The following ADAMTS14 variants were observed in gnomAD, a reference collection of about 807,000 sequenced individuals.
ADAMTS14 encodes A disintegrin and metalloproteinase with thrombospondin motifs 14.
ADAMTS14 carries 100 observed loss-of-function variants against 128.6 expected under a neutral mutation model. The observed-to-expected ratio is 0.78, with a 90% confidence interval of 0.66 to 0.92. The LOEUF (loss-of-function observed/expected upper bound fraction) is 0.92, where lower values mean the gene tolerates loss of function less well. ADAMTS14 is among the 40% of genes least tolerant of loss of function. The probability of loss-of-function intolerance (pLI) is 0.00; values close to 1 mark genes in which losing one functional copy is unlikely to be tolerated. For synonymous variants in ADAMTS14, 665 were observed against 653.8 expected, an observed-to-expected ratio of 1.02 and a Z score of -0.26; for missense variants, 1,562 against 1,658.6, an observed-to-expected ratio of 0.94 and a Z score of 1.01.
chr10:70,711,522 T>A (rs1348017986), intron 4 of ADAMTS14, among the ~76,000 whole-genome samples: 5 of 152,252 alleles, frequency 3.3e-5, no homozygotes, highest in Non-Finnish European at 7.3e-5. Context: ...GAGCCTCTGC[T>A]TTTTCATGAT....
At chr10:70,729,895 A>T (rs1301802114) in intron 5 of ADAMTS14, among the ~76,000 whole-genome samples, 3 of 152,210 alleles carry the variant, frequency 2.0e-5, no homozygotes, top group African/African-American at 7.2e-5. Context: ...AACGCATCTC[A>T]GCATGGTGCT....
intron 9 of ADAMTS14, among the ~76,000 whole-genome samples, chr10:70,736,011 A>T (rs1422517764): frequency 6.6e-6 from 1 of 152,222 alleles, no homozygotes; most frequent in Non-Finnish European, 1.5e-5. Context: ...GCCCCCAACC[A>T]TGTGTGGACA....
At chr10:70,735,470 G>A (rs1053090166) in intron 9 of ADAMTS14, among the ~76,000 whole-genome samples, 169 bp downstream of exon 9, 1 of 152,228 alleles carries the variant, frequency 6.6e-6, no homozygotes, top group Non-Finnish European at 1.5e-5. Context: ...GTGAACACCT[G>A]TGGGGGCAGG....
In ADAMTS14 at chr10:70,748,121, G is replaced by A. The variant is rs547935600; in HGVS notation, c.2264-1701G>A. On this transcript the variant is annotated intron_variant, in intron 15 of 21. Coordinates refer to ENST00000373207, the MANE Select transcript of ADAMTS14 (RefSeq NM_080722.4). The stretch of plus-strand genomic sequence containing the variant: ...CACTTTTCATGCGTATGTTTAGTAA[G>A]CCTCATGGCCATCTATGAATATTGT... Among the ~76,000 whole-genome samples the A allele has an allele frequency of 5.3e-5, 8 of 152,308 alleles. No individual in the cohort carries two copies. The East Asian group carries it at 1.4e-3, about 26-fold the overall frequency.
intron 4 of ADAMTS14, among the ~76,000 whole-genome samples, chr10:70,710,984 A>G (rs929719409): frequency 2.0e-5 from 3 of 152,112 alleles, no homozygotes; most frequent in Non-Finnish European, 4.4e-5. Flanking sequence ...CACTAGGGGG[A>G]CAGCCCCTTA....
At chr10:70,757,462 G>A (rs979905091) in intron 19 of ADAMTS14, among the ~76,000 whole-genome samples, 1 of 152,158 alleles carries the variant, frequency 6.6e-6, no homozygotes, top group Admixed American at 6.5e-5. Flanking sequence ...AACCAGGGGT[G>A]GGGGGTAGCA....
chr10:70,712,788 C>T (rs548606081), intron 4 of ADAMTS14, among the ~76,000 whole-genome samples: 15 of 152,140 alleles, frequency 9.9e-5, no homozygotes, highest in Non-Finnish European at 1.9e-4. Context: ...AGTTTTTATT[C>T]TCTGGTTTGA....
chr10:70,745,513 G>A, intron 15 of ADAMTS14: 4 of 631,472 alleles, frequency 6.3e-6, no homozygotes, highest in South Asian at 5.2e-5. Context: ...AGGTCTCAAA[G>A]GGGACCTAGT....
intron 15 of ADAMTS14, among the ~76,000 whole-genome samples, chr10:70,748,513 T>C (rs1380601653): frequency 3.9e-5 from 6 of 152,176 alleles, no homozygotes; most frequent in African/African-American, 1.4e-4. Flanking sequence ...CTCTTCTTTT[T>C]CCACCCCTCT....
chr10:70,674,133 G>C (rs1564513986), intron 1 of ADAMTS14, among the ~76,000 whole-genome samples: 6 of 152,150 alleles, frequency 3.9e-5, no homozygotes, highest in Admixed American at 1.3e-4. Flanking sequence ...TGGGGAGGAG[G>C]GCACTACCCC....
At chr10:70,729,224 C>T (rs542357247) in intron 4 of ADAMTS14, 70 bp from the exon 5 acceptor site, 1 of 1,316,252 alleles carries the variant, frequency 7.6e-7, no homozygotes, top group East Asian at 2.3e-5. Context: ...AGGTACCTAC[C>T]CCAGTACCTG....
intron 2 of ADAMTS14, among the ~76,000 whole-genome samples, chr10:70,699,981 G>C (rs1288671770): frequency 6.6e-6 from 1 of 151,994 alleles, no homozygotes; most frequent in Non-Finnish European, 1.5e-5. Flanking sequence ...CTGCTTGCTT[G>C]TTCCAGGGGC....
intron 2 of ADAMTS14, 107 bp downstream of exon 2, chr10:70,675,102 G>C: frequency 7.4e-7 from 1 of 1,353,594 alleles, no homozygotes; most frequent in Non-Finnish European, 1.0e-6. Flanking sequence ...CAAGGCAGGG[G>C]TGGTGCTGCC....
intron 3 of ADAMTS14, among the ~76,000 whole-genome samples, chr10:70,702,841 A>T (rs1313576150): frequency 6.6e-6 from 1 of 152,156 alleles, no homozygotes; most frequent in Non-Finnish European, 1.5e-5. Context: ...GAAGGGAGTT[A>T]TTAGGGCACC....
chr10:70,708,815 G>T, intron 4 of ADAMTS14, 37 bp downstream of exon 4: 1 of 1,379,116 alleles, frequency 7.3e-7, no homozygotes, highest in Non-Finnish European at 9.7e-7. Flanking sequence ...GGGGGGAGTG[G>T]GGTGGGGTGG....
At chr10:70,714,255 G>GGAGCCA (rs1253982251) in intron 4 of ADAMTS14, among the ~76,000 whole-genome samples, 2 of 152,104 alleles carry the variant, frequency 1.3e-5, no homozygotes, top group Middle Eastern at 3.2e-3. Context: ...GCAACCACTG[G>GGAGCCA]GAGCCAGACT....
chr10:70,754,358 C>T (rs1390745250), intron 19 of ADAMTS14, among the ~76,000 whole-genome samples: 1 of 152,184 alleles, frequency 6.6e-6, no homozygotes, highest in Non-Finnish European at 1.5e-5. Flanking sequence ...TAGCATCAAC[C>T]AGACAGAGCT....
rs149210252 is a variant in ADAMTS14, at chr10:70,734,597, G to A, written c.1352+569G>A. 9.9e-3 allele frequency among the ~76,000 whole-genome samples: 1,503 copies of A among 152,246 alleles called. 21 individuals carry two copies. The highest frequency in any genetic ancestry group is 0.01 in the Non-Finnish European group (693 of 68,012). On this transcript the variant is annotated intron_variant, in intron 8 of 21. Coordinates refer to ENST00000373207, the MANE Select transcript of ADAMTS14 (RefSeq NM_080722.4). ...GCCCCAGCAGCACACTCCCAATTCCGGCCTGGCTGGTCAGCTCCTGGGTCT... is the reference window on the plus strand; with the variant it reads ...GCCCCAGCAGCACACTCCCAATTCCAGCCTGGCTGGTCAGCTCCTGGGTCT...
Position 70,761,458 on chromosome 10 carries a change from C to T in ADAMTS14, c.*605C>T, listed in dbSNP as rs1842611691. 6.6e-6 allele frequency: 1 copy of T among 152,438 alleles called. No individual in the cohort carries two copies. The highest frequency in any genetic ancestry group is 2.1e-4 in the South Asian group (1 of 4,826). The allele number at this position is 152,438 out of a possible 1,614,324, so 9.4% of individuals were successfully genotyped here. ...TCCATGCAGTTCCACCAGCTGAGGCCAGGCAGCAGAGGCCAGTTTGTCTTT... is the reference window on the plus strand; with the variant it reads ...TCCATGCAGTTCCACCAGCTGAGGCTAGGCAGCAGAGGCCAGTTTGTCTTT... On this transcript the variant is annotated 3_prime_UTR_variant, in exon 22 of 22. Coordinates refer to ENST00000373207, the MANE Select transcript of ADAMTS14 (RefSeq NM_080722.4).
Sources: gnomAD v4.1 joint callset for allele counts (sites outside exome capture counted in the v4.1 genomes callset) on GRCh38, gnomAD v4.1.1 for gene constraint, MANE v1.5 for transcripts, NCBI Gene and HGNC (gene_info 2026-07-23, HGNC 2026-07-21) for gene names.